Variants in HIPK2 observed in about 807,000 individuals in gnomAD.
The protein encoded by HIPK2 is homeodomain interacting protein kinase 2.
HIPK2 carries 27 observed loss-of-function variants against 113.7 expected under a neutral mutation model. The observed-to-expected ratio is 0.24, with a 90% CI of 0.17 to 0.33. HIPK2 has a LOEUF of 0.33. Among genes scored for constraint, HIPK2 ranks in the 10% least tolerant of loss-of-function variants. The probability of loss-of-function intolerance (pLI) is 1.00; values close to 1 mark genes in which losing one functional copy is unlikely to be tolerated. For synonymous variants in HIPK2, 631 were observed against 642.2 expected (o/e 0.98, Z 0.26); for missense variants, 1,257 against 1,588.0 (o/e 0.79, Z 3.54).
chr7:139,746,004 G>A (rs1296596154), intron 1 of HIPK2, among the ~76,000 whole-genome samples: 1 of 152,144 alleles, frequency 6.6e-6, no homozygotes, highest in Non-Finnish European at 1.5e-5. Flanking sequence ...GAGCCAGGAG[G>A]AGCAGAGCAG....
chr7:139,678,108 T>C (rs1220671086), intron 2 of HIPK2, among the ~76,000 whole-genome samples: 20 of 152,238 alleles, frequency 1.3e-4, no homozygotes. Context: ...TCTTTGTAGA[T>C]TCTGGATATT....
intron 2 of HIPK2, among the ~76,000 whole-genome samples, chr7:139,677,976 A>G (rs1402701602): frequency 6.6e-6 from 1 of 152,146 alleles, no homozygotes; most frequent in Admixed American, 6.6e-5. Context: ...ACCAGTGATG[A>G]TGAGCTTTTT....
At chr7:139,710,625 A>G (rs1795033412) in intron 2 of HIPK2, among the ~76,000 whole-genome samples, 2 of 152,224 alleles carry the variant, frequency 1.3e-5, no homozygotes. Context: ...TCTGGAGCAC[A>G]TATCTACTAC....
rs9769182 is a variant in HIPK2 at position 139,662,567 on chromosome 7, T to C, written c.1104-30842A>G. On this transcript the variant is annotated intron_variant, in intron 2 of 14. Coordinates refer to ENST00000406875, the MANE Select transcript of HIPK2 (RefSeq NM_022740.5). The stretch of plus-strand genomic sequence containing the variant: ...TACCAGGGGTGTACAAGCCTGTCCC[T>C]AGCTGTCTCTCCTGTGTACGACTGC... Among the ~76,000 whole-genome samples the C allele has an allele frequency of 5.0e-3, 752 of 151,826 alleles. 3 individuals are homozygous for C. The highest frequency in any genetic ancestry group is 0.017 in the African/African-American group (703 of 41,362).
rs113855993 is a variant in HIPK2 at position 139,629,360 on chromosome 7, G to C, written c.1348-321C>G. Among the ~76,000 whole-genome samples the C allele has an allele frequency of 4.7e-3, 720 of 152,344 alleles. 4 individuals carry two copies. Among genetic ancestry groups the C allele is most frequent in the African/African-American group, 0.016 (675 of 41,584 alleles). ...TCTCTGAGTCTAAGGAATAAGGCAA[G>C]ATTCCATTGTGGAAAAGCAAAGGGC... On this transcript the variant is annotated intron_variant, in intron 4 of 14. Coordinates refer to ENST00000406875, the MANE Select transcript of HIPK2 (RefSeq NM_022740.5).
chr7:139,566,491 T>C lies in HIPK2; in HGVS notation c.*6436A>G, dbSNP rs911363098. 15 of 152,104 alleles carry C rather than the reference T, an allele frequency of 9.9e-5. No individual in the cohort carries two copies. The highest frequency in any genetic ancestry group is 3.1e-4 in the African/African-American group (13 of 41,388). The allele number at this position is 152,104 out of a possible 1,614,324, so 9.4% of individuals were successfully genotyped here. A position where few individuals can be genotyped will look rare whatever the true frequency, so the allele number is the denominator to read the frequency against. On this transcript the variant is annotated 3_prime_UTR_variant, in exon 15 of 15. Coordinates refer to ENST00000406875, the MANE Select transcript of HIPK2 (RefSeq NM_022740.5). The surrounding 1 kb of genome is among the most constrained non-coding windows in gnomAD (Gnocchi z 4.1). ...GTTCATAGAAATATGAGGCCACGCA[T>C]TGCTATTAATTAAAAAAAGTTAAAA... is the stretch of plus-strand genomic sequence containing the variant.
Position 139,656,762 on chromosome 7 carries a change from C to T in HIPK2, c.1104-25037G>A, listed in dbSNP as rs562248413. Among the ~76,000 whole-genome samples the T allele has an allele frequency of 6.9e-4, 105 of 152,250 alleles. 1 individual carries two copies. The South Asian group carries it at 0.021, about 30-fold the overall frequency. ...ACCCTTCCCTGTCATTTGTGCACAC[C>T]GCAATACTCTCCTTACTCGACACTT... is the stretch of plus-strand genomic sequence containing the variant. On this transcript the variant is annotated intron_variant, in intron 2 of 14. Coordinates refer to ENST00000406875, the MANE Select transcript of HIPK2 (RefSeq NM_022740.5).
At position 139,564,888 on chromosome 7, in the gene HIPK2, T is replaced by C. The variant is rs565278841; in HGVS notation, c.*8039A>G. The C allele has an allele frequency of 3.9e-5, 6 of 152,336 alleles. No homozygotes were observed. The highest frequency in any genetic ancestry group is 3.9e-4 in the Admixed American group (6 of 15,298). 9.4% of individuals were successfully genotyped at this position (152,336 alleles called of 1,614,324 possible). A position where few individuals can be genotyped will look rare whatever the true frequency, so the allele number is the denominator to read the frequency against. On this transcript the variant is annotated 3_prime_UTR_variant, in exon 15 of 15. Transcript: ENST00000406875. ...TTAGAAGGCTAACAGCATTTTACAG[T>C]AGCTAAAAACATATATACTTAACAT...
rs542058376 is a variant in HIPK2, at chr7:139,669,868, A to G, written c.1104-38143T>C. Among the ~76,000 whole-genome samples the G allele has an allele frequency of 2.6e-5, 4 of 152,370 alleles. No homozygotes were observed. In the East Asian group the frequency reaches 7.7e-4, roughly 29 times the overall value. ...ATGGTGGTCATATGGCAATGAGGTC[A>G]ACACGAAAGCCAGGCACTAGAGTAC... On this transcript the variant is annotated intron_variant, in intron 2 of 14. Coordinates refer to ENST00000406875, the MANE Select transcript of HIPK2 (RefSeq NM_022740.5).
intron 12 of HIPK2, among the ~76,000 whole-genome samples, chr7:139,594,343 T>C (rs767344739): frequency 3.3e-5 from 5 of 152,244 alleles, no homozygotes; most frequent in South Asian, 2.1e-4. Flanking sequence ...CTTATTTATG[T>C]AACACCTGCA....
At chr7:139,705,523 C>T (rs1794865227) in intron 2 of HIPK2, among the ~76,000 whole-genome samples, 2 of 152,132 alleles carry the variant, frequency 1.3e-5, no homozygotes, top group African/African-American at 4.8e-5. Flanking sequence ...ACTACAGGCA[C>T]CCACCAACAC....
intron 1 of HIPK2, among the ~76,000 whole-genome samples, chr7:139,763,851 T>G (rs1444710669): frequency 6.6e-6 from 1 of 152,252 alleles, no homozygotes; most frequent in Non-Finnish European, 1.5e-5. Context: ...AGCTCCACAA[T>G]GGTGACACTC....
intron 9 of HIPK2, among the ~76,000 whole-genome samples, chr7:139,606,870 T>A (rs6943849): frequency 0.18 from 27,790 of 151,976 alleles, 3,709 homozygotes; most frequent in African/African-American, 0.38. Context: ...TAGCTAATGA[T>A]CACCAGACAG....
intron 1 of HIPK2, among the ~76,000 whole-genome samples, chr7:139,769,603 C>T (rs1367390872): frequency 6.6e-6 from 1 of 152,220 alleles, no homozygotes; most frequent in East Asian, 1.9e-4. Context: ...GCTTATTCAC[C>T]TTGTTAAGCC....
chr7:139,628,858 T>C, intron 5 of HIPK2, 95 bp downstream of exon 5: 1 of 1,050,000 alleles, frequency 9.5e-7, no homozygotes, highest in East Asian at 2.6e-5. Flanking sequence ...TTGAATAATG[T>C]GGATTTCAAC....
intron 1 of HIPK2, among the ~76,000 whole-genome samples, chr7:139,735,934 C>T (rs182500027): frequency 6.6e-6 from 1 of 152,328 alleles, no homozygotes; most frequent in African/African-American, 2.4e-5. Flanking sequence ...TCTAAGGGAA[C>T]ATCAGGAAGA....
chr7:139,694,641 C>A (rs1479829653), intron 2 of HIPK2, among the ~76,000 whole-genome samples: 1 of 152,078 alleles, frequency 6.6e-6, no homozygotes, highest in African/African-American at 2.4e-5. Context: ...CATTCCTGTG[C>A]GCATGGTCCA....
intron 7 of HIPK2, among the ~76,000 whole-genome samples, chr7:139,619,279 C>G (rs562022263): frequency 6.6e-5 from 10 of 152,194 alleles, no homozygotes; most frequent in Non-Finnish European, 1.3e-4. Context: ...ATTTCAGGTA[C>G]ACACACATCC....
chr7:139,620,160 G>A (rs957251888), intron 7 of HIPK2, among the ~76,000 whole-genome samples: 1 of 152,116 alleles, frequency 6.6e-6, no homozygotes, highest in Non-Finnish European at 1.5e-5. Flanking sequence ...AGCAGTAAGG[G>A]GAACCATCTC....
Sources: allele counts gnomAD v4.1 joint callset (sites outside exome capture counted in the v4.1 genomes callset), GRCh38; gene constraint gnomAD v4.1.1; non-coding constraint Gnocchi (gnomAD v3.1); transcripts MANE v1.5; gene names NCBI Gene and HGNC (gene_info 2026-07-23, HGNC 2026-07-21).